DOCK2: variants seen among roughly 807,000 people sequenced by gnomAD.
DOCK2 encodes dedicator of cytokinesis protein 2.
A neutral mutation model predicts 248.9 loss-of-function variants in DOCK2; 87 were observed. The observed-to-expected ratio is 0.35, with a 90% CI of 0.29 to 0.42. The LOEUF (loss-of-function observed/expected upper bound fraction) is 0.42, where lower values mean the gene tolerates loss of function less well. Among genes scored for constraint, DOCK2 ranks in the 10% least tolerant of loss-of-function variants. The pLI, the probability that DOCK2 is intolerant of heterozygous loss-of-function variation, is 1.00. For missense variants in DOCK2, 1,747 were observed against 2,300.2 expected (o/e 0.76, Z 4.92); for synonymous variants, 805 against 821.6 (o/e 0.98, Z 0.35).
At chr5:170,014,721 G>A (rs1755447612) in intron 32 of DOCK2, among the ~76,000 whole-genome samples, 1 of 152,030 alleles carries the variant, frequency 6.6e-6, no homozygotes, top group African/African-American at 2.4e-5. Context: ...GGTGGGAAAA[G>A]CAGTGTGCCC....
chr5:169,657,526 C>T (rs896024738), intron 2 of DOCK2, among the ~76,000 whole-genome samples: 5 of 152,074 alleles, frequency 3.3e-5, no homozygotes, highest in East Asian at 1.9e-4. Flanking sequence ...CCAAATGAAT[C>T]GATTTATAAA....
At chr5:169,942,264 T>A (rs948115676) in intron 27 of DOCK2, among the ~76,000 whole-genome samples, 1 of 152,226 alleles carries the variant, frequency 6.6e-6, no homozygotes, top group African/African-American at 2.4e-5. Context: ...TTCCTTGGTC[T>A]ATTCTCTCTC....
intron 25 of DOCK2, among the ~76,000 whole-genome samples, chr5:169,779,606 G>A (rs912716397): frequency 6.6e-6 from 1 of 152,126 alleles, no homozygotes; most frequent in African/African-American, 2.4e-5. Context: ...GTTCAGATGG[G>A]TTCAGGCTTT....
chr5:170,057,291 G>A (rs980994228), intron 43 of DOCK2: 11 of 448,952 alleles, frequency 2.5e-5, no homozygotes, highest in Admixed American at 1.1e-4. Context: ...ACCCTTCCCC[G>A]AGAAAACAAA....
intron 22 of DOCK2, among the ~76,000 whole-genome samples, chr5:169,726,664 C>T (rs1036042515): frequency 2.6e-5 from 4 of 152,288 alleles, no homozygotes; most frequent in African/African-American, 4.8e-5. Context: ...GTGCTAGGCA[C>T]TTTGTTAAGT....
chr5:169,943,827 C>T (rs947596508), intron 27 of DOCK2, among the ~76,000 whole-genome samples: 6 of 152,164 alleles, frequency 3.9e-5, no homozygotes, highest in East Asian at 3.9e-4. Flanking sequence ...GTGACTCTGA[C>T]GCTCATTAAG....
intron 1 of DOCK2, among the ~76,000 whole-genome samples, chr5:169,652,097 T>C (rs1342745215): frequency 6.6e-6 from 1 of 152,234 alleles, no homozygotes; most frequent in Admixed American, 6.5e-5. Flanking sequence ...TTTCTTGCAT[T>C]CTACAGTCAG....
intron 30 of DOCK2, chr5:170,000,335 G>A (rs1754788468): frequency 6.6e-6 from 1 of 152,178 alleles, no homozygotes; most frequent in Non-Finnish European, 1.5e-5. Flanking sequence ...ATCTTGTCAG[G>A]TTGTGATATA....
chr5:170,011,817 CTCTT>C (rs1755307682), intron 32 of DOCK2, among the ~76,000 whole-genome samples: 1 of 152,204 alleles, frequency 6.6e-6, no homozygotes, highest in Non-Finnish European at 1.5e-5. Context: ...GCCCTCCCCT[CTCTT>C]TCTTTCTGGA....
At chr5:169,864,078 G>T (rs1031085100) in intron 27 of DOCK2, among the ~76,000 whole-genome samples, 1 of 152,150 alleles carries the variant, frequency 6.6e-6, no homozygotes. Context: ...GCAAGCAGTC[G>T]CACGCACTCA....
chr5:169,843,388 G>A (rs1266444242), intron 27 of DOCK2, among the ~76,000 whole-genome samples: 7 of 152,090 alleles, frequency 4.6e-5, no homozygotes, highest in Non-Finnish European at 7.4e-5. Flanking sequence ...CAGGTGTGGT[G>A]GCAGGTGCCT....
intron 26 of DOCK2, among the ~76,000 whole-genome samples, chr5:169,811,823 T>TC (rs1188009654): frequency 6.0e-5 from 9 of 149,292 alleles, no homozygotes; most frequent in Non-Finnish European, 1.2e-4. Flanking sequence ...CCACGTTACC[T>TC]CCCCCCACTC....
intron 50 of DOCK2, chr5:170,081,001 T>C (rs1351285747): frequency 6.6e-6 from 1 of 152,616 alleles, no homozygotes; most frequent in Non-Finnish European, 1.5e-5. Context: ...TTCCTGAACA[T>C]TGAGGGTGCC....
intron 22 of DOCK2, among the ~76,000 whole-genome samples, chr5:169,727,022 C>T (rs1414291776): frequency 5.3e-5 from 8 of 149,862 alleles, no homozygotes; most frequent in Non-Finnish European, 1.2e-4. Context: ...GAGCTGAGAT[C>T]GTGCCACTGC....
intron 13 of DOCK2, among the ~76,000 whole-genome samples, chr5:169,701,500 C>CT (rs565421921): frequency 4.0e-4 from 59 of 146,230 alleles, no homozygotes; most frequent in East Asian, 1.2e-3. Context: ...TTTTCTATTC[C>CT]TTTTTTTTTT....
intron 26 of DOCK2, among the ~76,000 whole-genome samples, chr5:169,836,980 C>T (rs941021139): frequency 2.0e-5 from 3 of 152,250 alleles, no homozygotes; most frequent in Middle Eastern, 3.4e-3. Flanking sequence ...GCACTGCATT[C>T]TGAAAAGTCC....
intron 29 of DOCK2, among the ~76,000 whole-genome samples, chr5:169,994,430 C>T (rs1435822655): frequency 6.6e-6 from 1 of 152,186 alleles, no homozygotes; most frequent in Non-Finnish European, 1.5e-5. Context: ...AGACCCTGCC[C>T]TGCAGAAGCT....
At chr5:169,637,838 C>T (rs1756917284) in intron 1 of DOCK2, among the ~76,000 whole-genome samples, 1 of 152,148 alleles carries the variant, frequency 6.6e-6, no homozygotes, top group South Asian at 2.1e-4. Context: ...TCAGATGACT[C>T]CTGATTTGGC....
At chr5:169,774,280 A>G (rs954442223) in intron 25 of DOCK2, among the ~76,000 whole-genome samples, 12 of 152,240 alleles carry the variant, frequency 7.9e-5, no homozygotes, top group Admixed American at 1.3e-4. Flanking sequence ...AAATACAGTA[A>G]TAAGTAATGT....
Sources: gnomAD v4.1 joint callset for allele counts (sites outside exome capture counted in the v4.1 genomes callset) on GRCh38, gnomAD v4.1.1 for gene constraint, MANE v1.5 for transcripts, NCBI Gene and HGNC (gene_info 2026-07-23, HGNC 2026-07-21) for gene names.